The following ATF6 variants were observed in gnomAD, a reference collection of about 807,000 sequenced individuals.
ATF6 encodes activating transcription factor 6.
Under a neutral mutation model 83.6 loss-of-function variants are expected in ATF6, and 53 were observed. The ratio of observed to expected loss-of-function variants is 0.63; its 90% CI spans 0.51 to 0.80. The LOEUF is 0.80. ATF6 is among the 30% of genes least tolerant of loss of function. ATF6 has a pLI of 0.00. For missense variants in ATF6, 744 were observed against 797.9 expected (o/e 0.93, Z 0.81); for synonymous variants, 288 against 285.8 (o/e 1.01, Z -0.08).
chr1:161,791,653 T>C (rs1557962228), intron 5 of ATF6, 116 bp downstream of exon 5: 1 of 1,132,272 alleles, frequency 8.8e-7, no homozygotes, highest in Non-Finnish European at 1.2e-6. Context: ...TGCTGTTTTT[T>C]AATTGGTGGA....
chr1:161,832,531 C>T (rs112278906), intron 9 of ATF6, among the ~76,000 whole-genome samples: 3,006 of 152,298 alleles, frequency 0.02, 105 homozygotes, highest in African/African-American at 0.07. Flanking sequence ...ACAGACGGCA[C>T]CTGGAAAATC....
At chr1:161,791,594 A>C in intron 5 of ATF6, 57 bp downstream of exon 5, 1 of 1,517,920 alleles carries the variant, frequency 6.6e-7, no homozygotes. Flanking sequence ...CTTAGGTTCC[A>C]TTTCTTAAAA....
intron 14 of ATF6, among the ~76,000 whole-genome samples, chr1:161,905,154 C>T (rs1005225969): frequency 1.3e-5 from 2 of 151,928 alleles, no homozygotes; most frequent in African/African-American, 2.4e-5. Context: ...TTTTTCTCCC[C>T]TTCCAGAAAT....
intron 15 of ATF6, among the ~76,000 whole-genome samples, chr1:161,953,475 A>G (rs1159455325): frequency 6.6e-6 from 1 of 152,134 alleles, no homozygotes; most frequent in Non-Finnish European, 1.5e-5. Flanking sequence ...AGCTCTCCCT[A>G]TCTGAATCCT....
intron 1 of ATF6, among the ~76,000 whole-genome samples, chr1:161,773,404 G>A (rs926124498): frequency 6.6e-6 from 1 of 152,038 alleles, no homozygotes; most frequent in Non-Finnish European, 1.5e-5. Context: ...GCCTCCCAAA[G>A]TGCTGAGATT....
At position 161,846,474 on chromosome 1, in the gene ATF6, A is replaced by AT. The variant is rs1437228305; in HGVS notation, c.1214dup (p.Met405IlefsTer4). 1 of 1,607,628 alleles carries AT rather than the reference A, an allele frequency of 6.2e-7. No individual in the cohort carries two copies. On this transcript the variant is annotated frameshift_variant, in exon 10 of 16. Transcript: ENST00000367942. LOFTEE classifies it high-confidence loss of function. ...CATGTTGGAACAGGATTCCAGGAGAATGAACCCTAGTGTGAGCCCTGCAAA... is the reference window on the plus strand; with the variant it reads ...CATGTTGGAACAGGATTCCAGGAGAATTGAACCCTAGTGTGAGCCCTGCAAA...
rs747422562 is a variant in ATF6, at chr1:161,802,213, G to A, written c.850G>A (p.Gly284Arg). ...PAPSANSPVN[G>R]KLSVTKPVLQ... The stretch of plus-strand genomic sequence containing the variant: ...CCCTTCAGCGAATAGCCCAGTGAAT[G>A]GAAAACTTTCCGTGACTAAACCTGT... The change falls in exon 7 of 16, where the codon GGA (glycine) becomes AGA (arginine). Residue 284 changes from glycine (G) to arginine (R), a missense_variant. By Grantham distance (125) the Gly-to-Arg change is moderately radical (BLOSUM62 -2). Transcript: ENST00000367942. 8.7e-6 allele frequency: 14 copies of A among 1,613,990 alleles called. No individual in the cohort carries two copies. The highest frequency in any genetic ancestry group is 1.2e-5 in the Non-Finnish European group (14 of 1,179,980).
At chr1:161,844,144 G>A (rs55876359) in intron 9 of ATF6, among the ~76,000 whole-genome samples, 21,554 of 152,124 alleles carry the variant, frequency 0.14, 2,085 homozygotes, top group East Asian at 0.31. Flanking sequence ...AACAAATGGA[G>A]GAATTATCCT....
At chr1:161,777,183 C>T (rs145997145) in intron 1 of ATF6, among the ~76,000 whole-genome samples, 267 of 152,014 alleles carry the variant, frequency 1.8e-3, no homozygotes, top group African/African-American at 6.1e-3. Flanking sequence ...AGGTTTAGAA[C>T]GAATGGGAGG....
intron 15 of ATF6, among the ~76,000 whole-genome samples, chr1:161,938,301 G>A (rs987696823): frequency 1.3e-5 from 2 of 152,134 alleles, no homozygotes; most frequent in African/African-American, 4.8e-5. Flanking sequence ...ATAGATTTGC[G>A]TTTTGGACTC....
At chr1:161,788,048 G>A (rs777894696) in intron 4 of ATF6, among the ~76,000 whole-genome samples, 36 of 151,964 alleles carry the variant, frequency 2.4e-4, no homozygotes, top group African/African-American at 8.7e-4. Flanking sequence ...GTTCCCTTGC[G>A]GACCCATGTG....
chr1:161,780,071 A>G (rs938588777), intron 2 of ATF6, among the ~76,000 whole-genome samples: 1 of 152,094 alleles, frequency 6.6e-6, no homozygotes, highest in African/African-American at 2.4e-5. Context: ...GAAGATCCAA[A>G]TAAGAGAAAA....
intron 15 of ATF6, among the ~76,000 whole-genome samples, chr1:161,924,085 A>G (rs1688264701): frequency 6.6e-6 from 1 of 152,314 alleles, no homozygotes; most frequent in Admixed American, 6.5e-5. Flanking sequence ...TCAGAAGATG[A>G]GCCACTTCAT....
At chr1:161,957,674 A>G (rs1194632610) in intron 15 of ATF6, among the ~76,000 whole-genome samples, 1 of 152,174 alleles carries the variant, frequency 6.6e-6, no homozygotes, top group Non-Finnish European at 1.5e-5. Flanking sequence ...GCATGACTCT[A>G]TATGGTTTTC....
chr1:161,897,679 T>G (rs1235573549), intron 14 of ATF6, among the ~76,000 whole-genome samples: 2 of 152,202 alleles, frequency 1.3e-5, no homozygotes, highest in Non-Finnish European at 2.9e-5. Flanking sequence ...TCTTGAAATG[T>G]AGCTAGTCCT....
At position 161,955,600 on chromosome 1, in the gene ATF6, G is replaced by A. The variant is rs1337898084; in HGVS notation, c.1805-2846G>A. Among the ~76,000 whole-genome samples, 6 of 152,162 alleles carry A rather than the reference G, an allele frequency of 3.9e-5. No individual in the cohort carries two copies. The South Asian group carries it at 6.2e-4, about 16-fold the overall frequency. ...GAGATTGCCTCACTAACTGTCCAAG[G>A]GTGTTAGTACTAAGCCACCCAAAGA... On this transcript the variant is annotated intron_variant, in intron 15 of 15. Transcript: ENST00000367942.
chr1:161,845,128 G>A (rs1413812112), intron 9 of ATF6, among the ~76,000 whole-genome samples: 2 of 152,170 alleles, frequency 1.3e-5, no homozygotes, highest in Non-Finnish European at 2.9e-5. Context: ...GAGGAGAATG[G>A]AAAATATATT....
chr1:161,857,119 C>T (rs1571194185), intron 12 of ATF6, among the ~76,000 whole-genome samples: 1 of 152,084 alleles, frequency 6.6e-6, no homozygotes, highest in East Asian at 1.9e-4. Flanking sequence ...CAAAGCATAT[C>T]AAGATTTTAA....
intron 15 of ATF6, among the ~76,000 whole-genome samples, chr1:161,948,524 A>T (rs934238531): frequency 5.3e-5 from 8 of 152,234 alleles, no homozygotes; most frequent in Non-Finnish European, 8.8e-5. Flanking sequence ...CTTTAAAAAA[A>T]TCCTACTGTT....
Sources: allele counts gnomAD v4.1 joint callset (sites outside exome capture counted in the v4.1 genomes callset), GRCh38; gene constraint gnomAD v4.1.1; transcripts MANE v1.5; gene names NCBI Gene and HGNC (gene_info 2026-07-23, HGNC 2026-07-21).